MAPKAPK5: variants seen among roughly 807,000 people sequenced by gnomAD.
The protein encoded by MAPKAPK5 is MAP kinase-activated protein kinase 5.
In MAPKAPK5, 30 loss-of-function variants were observed where a neutral mutation model predicts 65.1. That is an observed-to-expected ratio of 0.46 (90% CI 0.34 to 0.63). MAPKAPK5 has a LOEUF of 0.63. Among genes scored for constraint, MAPKAPK5 ranks in the 20% least tolerant of loss-of-function variants. The pLI is 0.01. For missense variants in MAPKAPK5, 433 were observed against 581.4 expected (o/e 0.74, Z 2.63); for synonymous variants, 179 against 204.6 (o/e 0.87, Z 1.07).
chr12:111,888,476 G>A lies in MAPKAPK5; in HGVS notation c.970-12G>A. On this transcript the variant is annotated splice_polypyrimidine_tract_variant and intron_variant, in intron 10 of 13. Transcript: ENST00000550735. The stretch of plus-strand genomic sequence containing the variant: ...ATGAATATGAAAAACTGACGGCAGT[G>A]TTTGCATTCAGGCAGTGGTTGCAGG... 1 of 1,612,620 alleles carries A rather than the reference G, an allele frequency of 6.2e-7. No homozygotes were observed. The highest frequency in any genetic ancestry group is 1.1e-5 in the South Asian group (1 of 90,796).
rs1057447194 is a variant in MAPKAPK5 at position 111,901,332 on chromosome 12, CCTGA to C, written c.*8275_*8278del. ...CCACTGTAATGAAGGGCATGCCCCC[CCTGA>C]CTGTGTTACTGCAGGAAGTGGAGGT... On this transcript the variant is annotated 3_prime_UTR_variant, in exon 14 of 14. Transcript: ENST00000550735. The C allele has an allele frequency of 3.7e-5, 17 of 456,028 alleles. No homozygotes were observed. The highest frequency in any genetic ancestry group is 3.4e-4 in the African/African-American group (17 of 50,174). 28.2% of individuals were successfully genotyped at this position (456,028 alleles called of 1,614,324 possible).
chr12:111,860,258 CT>C (rs1400125034), intron 1 of MAPKAPK5, among the ~76,000 whole-genome samples: 1 of 152,156 alleles, frequency 6.6e-6, no homozygotes, highest in Non-Finnish European at 1.5e-5. Context: ...CTATACCCCC[CT>C]GATCAATGTG....
intron 1 of MAPKAPK5, among the ~76,000 whole-genome samples, chr12:111,849,635 G>C (rs1298174032): frequency 6.6e-6 from 1 of 152,154 alleles, no homozygotes; most frequent in Non-Finnish European, 1.5e-5. Context: ...CCAGTCTGTG[G>C]CTTATCTTTT....
In MAPKAPK5 at chr12:111,901,648, G is replaced by A; in HGVS notation, c.*8587G>A. 4.7e-5 allele frequency: 12 copies of A among 255,902 alleles called. No individual in the cohort carries two copies. The highest frequency in any genetic ancestry group is 6.2e-5 in the Non-Finnish European group (8 of 128,496). 15.9% of individuals were successfully genotyped at this position (255,902 alleles called of 1,614,324 possible). On this transcript the variant is annotated 3_prime_UTR_variant, in exon 14 of 14. Coordinates refer to ENST00000550735, the MANE Select transcript of MAPKAPK5 (RefSeq NM_003668.4). Reference sequence around the variant, plus strand: ...TGGCCACAGAAGAAAAAGAAGAGAAGGAGGAAGAAAAAGAAGAGGAGGAGG... The same window carrying A: ...TGGCCACAGAAGAAAAAGAAGAGAAAGAGGAAGAAAAAGAAGAGGAGGAGG...
chr12:111,891,223 A>G (rs1331496347), intron 13 of MAPKAPK5, among the ~76,000 whole-genome samples: 1 of 150,538 alleles, frequency 6.6e-6, no homozygotes, highest in Non-Finnish European at 1.5e-5. Context: ...CCTCCCAAGG[A>G]ACTGGGACTA....
At chr12:111,846,189 T>A (rs917772645) in intron 1 of MAPKAPK5, among the ~76,000 whole-genome samples, 1 of 152,226 alleles carries the variant, frequency 6.6e-6, no homozygotes, top group African/African-American at 2.4e-5. Flanking sequence ...CAGCATTACA[T>A]CAAATAAAAA....
In MAPKAPK5 at chr12:111,867,601, C is replaced by G. The variant is rs752157478; in HGVS notation, c.216C>G (p.His72Gln). The G allele has an allele frequency of 6.2e-6, 10 of 1,613,900 alleles. No homozygotes were observed. The highest frequency in any genetic ancestry group is 1.6e-4 in the Middle Eastern group (1 of 6,062). ...EVRLHMMCAT[H>Q]PNIVQIIEVF... ...GTCTGCACATGATGTGTGCCACACACCCAAACATAGTTCAGATTATTGAAG... is the reference window on the plus strand; with the variant it reads ...GTCTGCACATGATGTGTGCCACACAGCCAAACATAGTTCAGATTATTGAAG... Residue 72 changes from histidine (H) to glutamine (Q), a missense_variant, in exon 4 of 14, where the codon CAC (histidine) becomes CAG (glutamine). Around this residue, in one of 3 missense-constraint regions of MAPKAPK5, gnomAD observed 165 missense variants for 180.0 expected, o/e 0.92. Transcript: ENST00000550735.
At chr12:111,846,700 T>C (rs184968266) in intron 1 of MAPKAPK5, among the ~76,000 whole-genome samples, 219 of 151,950 alleles carry the variant, frequency 1.4e-3, no homozygotes, top group Middle Eastern at 0.014. Context: ...GGTTTCACCA[T>C]GTTGGCCAGG....
At chr12:111,865,889 G>A (rs913692418) in intron 2 of MAPKAPK5, among the ~76,000 whole-genome samples, 3 of 149,758 alleles carry the variant, frequency 2.0e-5, no homozygotes, top group Non-Finnish European at 4.4e-5. Flanking sequence ...CACTGTGAGA[G>A]TCACCTATAG....
At chr12:111,864,115 A>C (rs917980254) in intron 1 of MAPKAPK5, among the ~76,000 whole-genome samples, 3 of 152,122 alleles carry the variant, frequency 2.0e-5, no homozygotes. Context: ...AAAAAAGAAA[A>C]AAGAAAAAAA....
chr12:111,856,533 A>T (rs2069247982), intron 1 of MAPKAPK5, among the ~76,000 whole-genome samples: 1 of 151,500 alleles, frequency 6.6e-6, no homozygotes, highest in African/African-American at 2.4e-5. Context: ...CAGCGTCCTG[A>T]GTAGCTGGAA....
At chr12:111,873,942 T>TAA (rs78128974) in intron 7 of MAPKAPK5, among the ~76,000 whole-genome samples, 29,679 of 152,138 alleles carry the variant, frequency 0.2, 3,095 homozygotes, top group Middle Eastern at 0.27. Flanking sequence ...CTTAACAATA[T>TAA]AAGTCTCCCA....
chr12:111,888,878 C>G lies in MAPKAPK5; in HGVS notation c.1101-7C>G. 1 of 1,613,418 alleles carries G rather than the reference C, an allele frequency of 6.2e-7. No individual in the cohort carries two copies. Among genetic ancestry groups the G allele is most frequent in the Non-Finnish European group, 8.5e-7 (1 of 1,179,514 alleles). ...GTTGTCATTACCCCTCCCTCAAACT[C>G]TTAAAGCACCAAGCCAAAGGACAGT... On this transcript the variant is annotated splice_polypyrimidine_tract_variant and splice_region_variant and intron_variant, in intron 11 of 13. Coordinates refer to ENST00000550735, the MANE Select transcript of MAPKAPK5 (RefSeq NM_003668.4).
intron 7 of MAPKAPK5, among the ~76,000 whole-genome samples, chr12:111,879,047 T>C (rs1455150972): frequency 3.3e-5 from 5 of 152,174 alleles, no homozygotes; most frequent in African/African-American, 1.2e-4. Context: ...TTGATTTCTA[T>C]AAAAAAGCCT....
rs2068742635 is a variant in MAPKAPK5, at chr12:111,842,372, G to A, written c.-362G>A. 5.7e-6 allele frequency: 1 copy of A among 174,976 alleles called. No homozygotes were observed. The highest frequency in any genetic ancestry group is 2.4e-5 in the African/African-American group (1 of 42,366). The allele number at this position is 174,976 out of a possible 1,614,324, so 10.8% of individuals were successfully genotyped here. On this transcript the variant is annotated 5_prime_UTR_variant, in exon 1 of 14. Coordinates refer to ENST00000550735, the MANE Select transcript of MAPKAPK5 (RefSeq NM_003668.4). ...TAGGACCTGGCGAGCCCAGGTCTAA[G>A]CGGCGGCCCCGCGAGGCCCTTGCAC...
intron 1 of MAPKAPK5, among the ~76,000 whole-genome samples, chr12:111,862,835 G>T (rs1666807168): frequency 6.6e-6 from 1 of 152,198 alleles, no homozygotes; most frequent in African/African-American, 2.4e-5. Flanking sequence ...GTGAGTGTAT[G>T]ATTCCATTAG....
intron 7 of MAPKAPK5, among the ~76,000 whole-genome samples, chr12:111,871,443 A>G (rs974499722): frequency 6.6e-6 from 1 of 152,128 alleles, no homozygotes; most frequent in Non-Finnish European, 1.5e-5. Context: ...GATGGAGACC[A>G]TCCTGGATAA....
intron 8 of MAPKAPK5, among the ~76,000 whole-genome samples, chr12:111,881,326 G>A (rs528783156): frequency 2.4e-4 from 36 of 151,324 alleles, no homozygotes; most frequent in Non-Finnish European, 5.2e-4. Context: ...CGCCCGCCTC[G>A]GCCTCCCAAA....
chr12:111,868,024 T>G (rs1267805645), intron 4 of MAPKAPK5, among the ~76,000 whole-genome samples: 1 of 152,214 alleles, frequency 6.6e-6, no homozygotes, highest in African/African-American at 2.4e-5. Flanking sequence ...TTAAACAGAT[T>G]CTATTTCAAA....
Sources: allele counts gnomAD v4.1 joint callset (sites outside exome capture counted in the v4.1 genomes callset), GRCh38; gene constraint gnomAD v4.1.1; regional missense constraint gnomAD v4.1.1; transcripts MANE v1.5; gene names NCBI Gene and HGNC (gene_info 2026-07-23, HGNC 2026-07-21).